PPARGC1A: variants seen among roughly 807,000 people sequenced by gnomAD.
PPARGC1A encodes the protein PPARG coactivator 1 alpha, also known as peroxisome proliferator-activated receptor gamma coactivator 1-alpha.
Under a neutral mutation model 88.7 loss-of-function variants are expected in PPARGC1A, and 25 were observed. That is an observed-to-expected ratio of 0.28 (90% CI 0.21 to 0.39). The LOEUF (loss-of-function observed/expected upper bound fraction) is 0.39, where lower values mean the gene tolerates loss of function less well. Ranked by LOEUF, PPARGC1A falls within the 10% of genes least tolerant of loss-of-function variation. The pLI is 1.00. For missense variants in PPARGC1A, 880 were observed against 968.7 expected (o/e 0.91, Z 1.22); for synonymous variants, 363 against 355.6 (o/e 1.02, Z -0.24).
the PPARGC1A span, among the ~76,000 whole-genome samples, chr4:24,194,267 A>G: frequency 6.6e-6 from 1 of 152,238 alleles, no homozygotes; most frequent in Admixed American, 6.5e-5. Flanking sequence ...CTTCCATTAA[A>G]GCAGCCTGTA....
chr4:24,100,328 C>T, the PPARGC1A span, among the ~76,000 whole-genome samples: 2 of 152,198 alleles, frequency 1.3e-5, no homozygotes, highest in East Asian at 3.9e-4. Context: ...GACTGATCCA[C>T]ATTATGGGGA....
At chr4:24,360,030 T>A in the PPARGC1A span, among the ~76,000 whole-genome samples, 10 of 152,134 alleles carry the variant, frequency 6.6e-5, no homozygotes, top group African/African-American at 7.2e-5. Context: ...CTTTTTTGCT[T>A]CTTTTACTCA....
At chr4:24,217,079 T>C in the PPARGC1A span, among the ~76,000 whole-genome samples, 1 of 152,184 alleles carries the variant, frequency 6.6e-6, no homozygotes, top group Non-Finnish European at 1.5e-5. Flanking sequence ...TGTGAATACA[T>C]GCATGTGTTG....
the PPARGC1A span, among the ~76,000 whole-genome samples, chr4:24,419,030 T>C: frequency 6.6e-6 from 1 of 152,154 alleles, no homozygotes; most frequent in Non-Finnish European, 1.5e-5. Context: ...TGTCTAGGTT[T>C]CAAATACTTA....
the PPARGC1A span, among the ~76,000 whole-genome samples, chr4:23,947,263 A>G: frequency 6.6e-6 from 1 of 150,808 alleles, no homozygotes. Context: ...TGTGCCAAGC[A>G]CTATAGTAAG....
the PPARGC1A span, among the ~76,000 whole-genome samples, chr4:24,103,469 G>A: frequency 2.0e-5 from 3 of 152,080 alleles, no homozygotes; most frequent in Non-Finnish European, 2.9e-5. Flanking sequence ...CCAGGACAGA[G>A]AGCAGAGCCC....
At chr4:24,129,169 C>G in the PPARGC1A span, among the ~76,000 whole-genome samples, 1 of 152,134 alleles carries the variant, frequency 6.6e-6, no homozygotes, top group South Asian at 2.1e-4. Context: ...ACATAATAAA[C>G]AGTAATGGTA....
chr4:24,276,017 A>G, the PPARGC1A span, among the ~76,000 whole-genome samples: 1 of 152,354 alleles, frequency 6.6e-6, no homozygotes, highest in Non-Finnish European at 1.5e-5. Context: ...TACGGAAAGC[A>G]TAAATATAAA....
At chr4:24,082,404 T>C in the PPARGC1A span, among the ~76,000 whole-genome samples, 2 of 152,170 alleles carry the variant, frequency 1.3e-5, no homozygotes, top group Admixed American at 1.3e-4. Context: ...GGTCACCACA[T>C]GGCTTTTTCC....
At chr4:24,373,070 T>A in the PPARGC1A span, among the ~76,000 whole-genome samples, 1 of 152,072 alleles carries the variant, frequency 6.6e-6, no homozygotes. Flanking sequence ...AGAAACACAG[T>A]CCAGTTCTAC....
chr4:24,186,959 C>A, the PPARGC1A span, among the ~76,000 whole-genome samples: 1 of 152,186 alleles, frequency 6.6e-6, no homozygotes, highest in Non-Finnish European at 1.5e-5. Flanking sequence ...CTTAATGTAC[C>A]TTTTCCTTAA....
the PPARGC1A span, among the ~76,000 whole-genome samples, chr4:23,966,959 A>T: frequency 6.6e-6 from 1 of 152,252 alleles, no homozygotes; most frequent in South Asian, 2.1e-4. Flanking sequence ...GCATTTCTTC[A>T]TGTGTGAGTA....
the PPARGC1A span, among the ~76,000 whole-genome samples, chr4:24,362,880 C>T: frequency 6.6e-6 from 1 of 152,198 alleles, no homozygotes; most frequent in Non-Finnish European, 1.5e-5. Flanking sequence ...CATTCGGAAG[C>T]TCCTTTCAAA....
the PPARGC1A span, among the ~76,000 whole-genome samples, chr4:24,143,528 G>GAATATAAATAT: frequency 1.5e-4 from 23 of 152,112 alleles, no homozygotes; most frequent in Non-Finnish European, 2.6e-4. Flanking sequence ...CTTCTGAATT[G>GAATATAAATAT]GAAAAGTATA....
chr4:24,194,002 A>G, the PPARGC1A span, among the ~76,000 whole-genome samples: 144,377 of 151,756 alleles, frequency 0.95, 68,719 homozygotes, highest in East Asian at 1. Flanking sequence ...GGTGGCATGC[A>G]CCTATAATCC....
At chr4:24,326,132 G>A in the PPARGC1A span, among the ~76,000 whole-genome samples, 19,570 of 151,772 alleles carry the variant, frequency 0.13, 1,572 homozygotes, top group Non-Finnish European at 0.18. Flanking sequence ...TCCCTCCTTG[G>A]CGACTGATCA....
At chr4:24,337,343 G>A in the PPARGC1A span, among the ~76,000 whole-genome samples, 1 of 152,246 alleles carries the variant, frequency 6.6e-6, no homozygotes, top group East Asian at 1.9e-4. Flanking sequence ...TCAACCACTC[G>A]TGAACAGCTA....
the PPARGC1A span, among the ~76,000 whole-genome samples, chr4:23,913,854 C>T: frequency 6.6e-6 from 1 of 152,164 alleles, no homozygotes; most frequent in Non-Finnish European, 1.5e-5. Context: ...CATCCATCTG[C>T]ATCCATCCAT....
the PPARGC1A span, among the ~76,000 whole-genome samples, chr4:24,081,269 G>A: frequency 6.6e-6 from 1 of 152,048 alleles, no homozygotes; most frequent in Non-Finnish European, 1.5e-5. Flanking sequence ...CATTAACTCA[G>A]ATCTTTGATT....
Sources: gnomAD v4.1 joint callset for allele counts (sites outside exome capture counted in the v4.1 genomes callset) on GRCh38, gnomAD v4.1.1 for gene constraint, MANE v1.5 for transcripts, NCBI Gene and HGNC (gene_info 2026-07-23, HGNC 2026-07-21) for gene names.